The following ADAM32 variants were observed in gnomAD, a reference collection of about 807,000 sequenced individuals.
The protein encoded by ADAM32 is disintegrin and metalloproteinase domain-containing protein 32.
In ADAM32, 89 loss-of-function variants were observed where a neutral mutation model predicts 114.9. The ratio of observed to expected loss-of-function variants is 0.77; its 90% CI spans 0.65 to 0.92. The LOEUF (loss-of-function observed/expected upper bound fraction) is 0.92, where lower values mean the gene tolerates loss of function less well. Ranked by LOEUF, ADAM32 falls within the 40% of genes least tolerant of loss-of-function variation. The probability of loss-of-function intolerance (pLI) is 0.00; values close to 1 mark genes in which losing one functional copy is unlikely to be tolerated. For missense variants in ADAM32, 870 were observed against 932.8 expected (o/e 0.93, Z 0.88); for synonymous variants, 285 against 307.5 (o/e 0.93, Z 0.77).
chr8:39,185,469 G>GTT (rs546613875), intron 10 of ADAM32, among the ~76,000 whole-genome samples: 71 of 152,278 alleles, frequency 4.7e-4, no homozygotes, highest in African/African-American at 1.7e-3. Context: ...CTCTTTGAAT[G>GTT]TTTGATCAAG....
intron 12 of ADAM32, among the ~76,000 whole-genome samples, chr8:39,212,230 TCTCAAA>T (rs546157283): frequency 2.1e-4 from 32 of 152,140 alleles, no homozygotes; most frequent in Non-Finnish European, 4.0e-4. Context: ...GTCAGGCTGG[TCTCAAA>T]CTCCTGACCT....
intron 1 of ADAM32, among the ~76,000 whole-genome samples, chr8:39,111,720 C>CAAAAAAAAAAAAAAAAAAAATA: frequency 1.3e-5 from 1 of 78,300 alleles, no homozygotes; most frequent in Non-Finnish European, 2.5e-5. Flanking sequence ...GACTCTTTCT[C>CAAAAAAAAAAAAAAAAAAAATA]AAAAAAAAAA....
chr8:39,126,836 A>G (rs755735616), intron 2 of ADAM32, among the ~76,000 whole-genome samples: 1 of 152,132 alleles, frequency 6.6e-6, no homozygotes, highest in Admixed American at 6.5e-5. Flanking sequence ...ATTTTGAGGT[A>G]TGTTCTTTCA....
chr8:39,257,136 A>G, intron 18 of ADAM32, 51 bp from the exon 19 acceptor site: 1 of 1,463,812 alleles, frequency 6.8e-7, no homozygotes, highest in Middle Eastern at 1.9e-4. Context: ...TGAAAGTAAA[A>G]GTAGATAGTT....
intron 12 of ADAM32, among the ~76,000 whole-genome samples, chr8:39,216,984 C>T (rs1585563217): frequency 6.6e-6 from 1 of 151,944 alleles, no homozygotes; most frequent in East Asian, 1.9e-4. Flanking sequence ...CGTTAACGTC[C>T]TTTTTCTTTC....
chr8:39,270,423 T>A (rs1240133382), intron 19 of ADAM32, among the ~76,000 whole-genome samples: 1 of 152,180 alleles, frequency 6.6e-6, no homozygotes, highest in Non-Finnish European at 1.5e-5. Flanking sequence ...GCTCCTGGTT[T>A]AGTTAAAGAG....
At chr8:39,208,725 G>C (rs150899721) in intron 11 of ADAM32, among the ~76,000 whole-genome samples, 56 of 152,160 alleles carry the variant, frequency 3.7e-4, no homozygotes, top group Non-Finnish European at 5.6e-4. Context: ...AGTCCTTCCT[G>C]GTCTTTAAGG....
Position 39,165,199 on chromosome 8 carries a change from A to G in ADAM32, c.833+3A>G. 2.0e-6 allele frequency: 3 copies of G among 1,504,344 alleles called. No homozygotes were observed. Among genetic ancestry groups the G allele is most frequent in the Non-Finnish European group, 1.8e-6 (2 of 1,113,054 alleles). 93.2% of individuals were successfully genotyped at this position (1,504,344 alleles called of 1,614,324 possible). A position where few individuals can be genotyped will look rare whatever the true frequency, so the allele number is the denominator to read the frequency against. On this transcript the variant is annotated splice_donor_region_variant and intron_variant, in intron 9 of 24. Transcript: ENST00000379907. ...CATGATATTGCATATCTACTAATGT[A>G]AGAATAATGTTTCATTATTCCTAGA...
Position 39,275,687 on chromosome 8 carries a change from CTT to C in ADAM32, c.2241-138_2241-137del, listed in dbSNP as rs1018941482. On this transcript the variant is annotated intron_variant, in intron 21 of 24. Transcript: ENST00000379907. The stretch of plus-strand genomic sequence containing the variant: ...TGTTTGCATATGCTAATTTAGTAGT[CTT>C]TTGAAATTATTCTTCAGTGGTGATT... The C allele has an allele frequency of 9.4e-5, 70 of 748,614 alleles. No individual in the cohort carries two copies. The African/African-American group carries it at 1.2e-3, about 13-fold the overall frequency. 46.4% of individuals were successfully genotyped at this position (748,614 alleles called of 1,614,324 possible).
At chr8:39,175,429 G>A (rs1305103820) in intron 10 of ADAM32, among the ~76,000 whole-genome samples, 4 of 152,110 alleles carry the variant, frequency 2.6e-5, no homozygotes, top group Non-Finnish European at 4.4e-5. Flanking sequence ...CATCTATTGA[G>A]ATAATCATGT....
intron 2 of ADAM32, among the ~76,000 whole-genome samples, chr8:39,125,878 A>G (rs1355340607): frequency 6.6e-6 from 1 of 152,158 alleles, no homozygotes; most frequent in African/African-American, 2.4e-5. Flanking sequence ...TTTTTTGCAT[A>G]TGGTTTGCCA....
chr8:39,133,844 T>G (rs904414595), intron 2 of ADAM32, among the ~76,000 whole-genome samples: 2 of 152,112 alleles, frequency 1.3e-5, no homozygotes, highest in African/African-American at 4.8e-5. Context: ...GCTCAAGGAC[T>G]GCGTTTGGGT....
chr8:39,162,093 G>A (rs886689826), intron 7 of ADAM32, among the ~76,000 whole-genome samples: 9 of 150,700 alleles, frequency 6.0e-5, no homozygotes, highest in Non-Finnish European at 1.3e-4. Context: ...CATGTGCCAT[G>A]TTGGTGTGCT....
At chr8:39,145,754 C>T (rs1803466475) in intron 3 of ADAM32, among the ~76,000 whole-genome samples, 1 of 151,840 alleles carries the variant, frequency 6.6e-6, no homozygotes, top group Admixed American at 6.6e-5. Flanking sequence ...ATTTTTGAGA[C>T]AGGGTCTCTC....
At chr8:39,274,546 G>A (rs1025690266) in intron 21 of ADAM32, among the ~76,000 whole-genome samples, 196 bp downstream of exon 21, 1 of 152,058 alleles carries the variant, frequency 6.6e-6, no homozygotes, top group Admixed American at 6.5e-5. Flanking sequence ...GTTTACTGGA[G>A]GTCTCTTTTG....
intron 1 of ADAM32, among the ~76,000 whole-genome samples, chr8:39,117,498 AT>A (rs1437919334): frequency 6.6e-6 from 1 of 151,744 alleles, no homozygotes; most frequent in Admixed American, 6.6e-5. Context: ...TTTATATTTA[AT>A]GGCCTTTTTG....
rs373145193 is a variant in ADAM32, at chr8:39,188,371, A to G, written c.1052+1326A>G. Among the ~76,000 whole-genome samples, 49 of 151,462 alleles carry G rather than the reference A, an allele frequency of 3.2e-4. No individual in the cohort carries two copies. In the South Asian group the frequency reaches 4.0e-3, roughly 12 times the overall value. The stretch of plus-strand genomic sequence containing the variant: ...ATGGATAAATGGAATCTGTCTATCT[A>G]TCTGTCTGTCTGTCTGTCTATCTAT... On this transcript the variant is annotated intron_variant, in intron 11 of 24. Transcript: ENST00000379907.
At chr8:39,114,032 A>G (rs1280441188) in intron 1 of ADAM32, among the ~76,000 whole-genome samples, 1 of 152,318 alleles carries the variant, frequency 6.6e-6, no homozygotes, top group East Asian at 1.9e-4. Context: ...TTTCACATGA[A>G]CTAACTAATG....
rs374428445 is a variant in ADAM32, at chr8:39,171,084, C to T, written c.915+1087C>T. 6.2e-4 allele frequency among the ~76,000 whole-genome samples: 95 copies of T among 152,088 alleles called. 1 individual carries two copies. The Middle Eastern group carries it at 0.014, about 22-fold the overall frequency. On this transcript the variant is annotated intron_variant, in intron 10 of 24. Transcript: ENST00000379907. Reference sequence around the variant, plus strand: ...TAGTAGCTGAGATTACAGAGGTGACCCACAACAACCAGCTAACTTTTTTGT... The same window carrying T: ...TAGTAGCTGAGATTACAGAGGTGACTCACAACAACCAGCTAACTTTTTTGT...
Sources: gnomAD v4.1 joint callset for allele counts (sites outside exome capture counted in the v4.1 genomes callset) on GRCh38, gnomAD v4.1.1 for gene constraint, MANE v1.5 for transcripts, NCBI Gene and HGNC (gene_info 2026-07-23, HGNC 2026-07-21) for gene names.